The following RARB variants were observed in gnomAD, a reference collection of about 807,000 sequenced individuals.
The protein encoded by RARB is HBV-activated protein.
Under a neutral mutation model 51.9 loss-of-function variants are expected in RARB, and 17 were observed. That is an observed-to-expected ratio of 0.33 (90% CI 0.22 to 0.49). The LOEUF is 0.49. RARB is among the 20% of genes least tolerant of loss of function. The probability of loss-of-function intolerance (pLI) is 0.99; values close to 1 mark genes in which losing one functional copy is unlikely to be tolerated. For synonymous variants in RARB, 215 were observed against 195.4 expected (o/e 1.10, Z -0.84); for missense variants, 369 against 550.8 (o/e 0.67, Z 3.30).
intron 3 of RARB, among the ~76,000 whole-genome samples, chr3:25,114,805 A>G (rs557918789): frequency 6.6e-6 from 1 of 152,320 alleles, no homozygotes; most frequent in South Asian, 2.1e-4. Context: ...GGCAGCTTAA[A>G]GATAACAGTG....
intron 5 of RARB, among the ~76,000 whole-genome samples, chr3:25,341,036 C>T (rs1287885141): frequency 6.6e-6 from 1 of 152,182 alleles, no homozygotes; most frequent in East Asian, 1.9e-4. Flanking sequence ...GCCTCTCAAT[C>T]TGTGTTCATT....
At chr3:25,131,923 G>T (rs1212965610) in intron 3 of RARB, among the ~76,000 whole-genome samples, 1 of 151,898 alleles carries the variant, frequency 6.6e-6, no homozygotes, top group African/African-American at 2.4e-5. Context: ...TTGGAAGAAA[G>T]AATAAAAGGG....
At chr3:25,218,479 A>G (rs1701881224) in intron 5 of RARB, among the ~76,000 whole-genome samples, 1 of 152,118 alleles carries the variant, frequency 6.6e-6, no homozygotes, top group Admixed American at 6.5e-5. Flanking sequence ...ATTGCCATTT[A>G]TTTTCAAAGT....
chr3:24,908,082 G>A (rs1234770747), intron 2 of RARB, among the ~76,000 whole-genome samples: 1 of 152,026 alleles, frequency 6.6e-6, no homozygotes, highest in Non-Finnish European at 1.5e-5. Context: ...CTAGGACTAT[G>A]TATGTATAAG....
At chr3:25,171,959 G>A (rs1700654700) in intron 4 of RARB, among the ~76,000 whole-genome samples, 1 of 152,140 alleles carries the variant, frequency 6.6e-6, no homozygotes, top group Non-Finnish European at 1.5e-5. Context: ...CGATTCAGAG[G>A]CTGTTTACTT....
At chr3:24,949,871 TA>T (rs199782298) in intron 2 of RARB, among the ~76,000 whole-genome samples, 2 of 151,418 alleles carry the variant, frequency 1.3e-5, no homozygotes, top group African/African-American at 2.4e-5. Flanking sequence ...GCAACTGGGT[TA>T]AAAAAAAATA....
intron 2 of RARB, among the ~76,000 whole-genome samples, chr3:25,057,334 C>G (rs765793638): frequency 3.3e-5 from 5 of 151,972 alleles, no homozygotes; most frequent in Non-Finnish European, 5.9e-5. Flanking sequence ...GTGATTATCT[C>G]CATAATTTTT....
chr3:25,358,613 C>T (rs183214601), intron 5 of RARB, among the ~76,000 whole-genome samples: 27 of 152,078 alleles, frequency 1.8e-4, no homozygotes, highest in Admixed American at 1.2e-3. Flanking sequence ...ATTGGCTGTG[C>T]GTTCTCATTA....
At chr3:25,274,683 G>C (rs1182626262) in intron 5 of RARB, among the ~76,000 whole-genome samples, 1 of 152,170 alleles carries the variant, frequency 6.6e-6, no homozygotes, top group Non-Finnish European at 1.5e-5. Context: ...GGGCTTTGGA[G>C]GGCTTAGTGG....
intron 5 of RARB, among the ~76,000 whole-genome samples, chr3:25,318,582 T>C (rs1173119248): frequency 1.3e-5 from 2 of 152,152 alleles, no homozygotes; most frequent in African/African-American, 4.8e-5. Context: ...AAGAGTGTCA[T>C]TACACTTGGA....
chr3:25,583,545 G>A (rs1046329367), intron 5 of RARB, among the ~76,000 whole-genome samples: 1 of 152,224 alleles, frequency 6.6e-6, no homozygotes, highest in Non-Finnish European at 1.5e-5. Context: ...AGGAAGATGC[G>A]GTCAGCTGCG....
At chr3:25,412,934 A>G (rs1161868116) in intron 5 of RARB, among the ~76,000 whole-genome samples, 1 of 151,994 alleles carries the variant, frequency 6.6e-6, no homozygotes, top group African/African-American at 2.4e-5. Flanking sequence ...CAGGAGAATC[A>G]CTTGAACCCG....
chr3:25,463,963 T>G lies in RARB; in HGVS notation c.306+2622T>G, dbSNP rs368967057. On this transcript the variant is annotated intron_variant, in intron 2 of 7. Coordinates refer to ENST00000330688, the MANE Select transcript of RARB (RefSeq NM_000965.5). ...GGAAGACATTTGTTCATTCAATTAT[T>G]GCTTTATTATTAGTAACCCCTAGCT... is the stretch of plus-strand genomic sequence containing the variant. Among the ~76,000 whole-genome samples the G allele has an allele frequency of 5.9e-5, 9 of 152,346 alleles. No homozygotes were observed. In the East Asian group the frequency reaches 1.2e-3, roughly 20 times the overall value.
chr3:24,862,121 A>G (rs1702759173), intron 2 of RARB, among the ~76,000 whole-genome samples: 1 of 152,214 alleles, frequency 6.6e-6, no homozygotes, highest in Non-Finnish European at 1.5e-5. Flanking sequence ...GCTCTTCACA[A>G]CTTTACACGG....
chr3:24,850,989 T>G (rs777638318), intron 1 of RARB, among the ~76,000 whole-genome samples: 1 of 152,220 alleles, frequency 6.6e-6, no homozygotes, highest in Non-Finnish European at 1.5e-5. Context: ...GAAGTTATCC[T>G]TTCTGAAATG....
At chr3:25,411,864 T>G (rs1258119538) in intron 5 of RARB, among the ~76,000 whole-genome samples, 1 of 152,142 alleles carries the variant, frequency 6.6e-6, no homozygotes, top group Admixed American at 6.6e-5. Flanking sequence ...GGGACAACTT[T>G]GGGAGAGACA....
At chr3:25,500,451 C>CTTTTTTTTTTTTTTTTTTTTTTTTTTTTT (rs1553624117) in intron 2 of RARB, among the ~76,000 whole-genome samples, 1 of 49,940 alleles carries the variant, frequency 2.0e-5, no homozygotes, top group Non-Finnish European at 3.9e-5. Flanking sequence ...TCTTTCTTTT[C>CTTTTTTTTTTTTTTTTTTTTTTTTTTTTT]TTGTTTTTTT....
At chr3:25,229,210 G>T (rs1300477880) in intron 5 of RARB, among the ~76,000 whole-genome samples, 1 of 151,952 alleles carries the variant, frequency 6.6e-6, no homozygotes, top group African/African-American at 2.4e-5. Context: ...TCCATTATTT[G>T]TAGTTGTCAT....
rs534365787 is a variant in RARB, at chr3:25,315,349, G to A, written c.178+140774G>A. On this transcript the variant is annotated intron_variant, in intron 5 of 11. Coordinates refer to the RARB transcript ENST00000383772. ...AGCAAAGTACAAAAAGAAAGCACTC[G>A]TAACTATTTAAATTAAAATACTATA... Among the ~76,000 whole-genome samples, 15 of 152,210 alleles carry A rather than the reference G, an allele frequency of 9.9e-5. No homozygotes were observed. In the East Asian group the frequency reaches 1.2e-3, roughly 12 times the overall value.
Sources: allele counts gnomAD v4.1 joint callset (sites outside exome capture counted in the v4.1 genomes callset), GRCh38; gene constraint gnomAD v4.1.1; transcripts MANE v1.5; gene names NCBI Gene and HGNC (gene_info 2026-07-23, HGNC 2026-07-21).